Variants in COL23A1 observed in about 807,000 individuals in gnomAD.
COL23A1 encodes collagen alpha-1(XXIII) chain.
COL23A1 carries 97 observed loss-of-function variants against 99.3 expected under a neutral mutation model. That is an observed-to-expected ratio of 0.98 (90% CI 0.83 to 1.16). The LOEUF is 1.16. Among genes scored for constraint, COL23A1 ranks in the 50% most tolerant of loss-of-function variants. The pLI, the probability that COL23A1 is intolerant of heterozygous loss-of-function variation, is 0.00. For missense variants in COL23A1, 762 were observed against 757.4 expected (o/e 1.01, Z -0.07); for synonymous variants, 320 against 308.2 (o/e 1.04, Z -0.40).
intron 2 of COL23A1, among the ~76,000 whole-genome samples, chr5:178,424,169 G>A (rs1765780376): frequency 6.6e-6 from 1 of 152,210 alleles, no homozygotes; most frequent in African/African-American, 2.4e-5. Flanking sequence ...CTCCCTTGCA[G>A]GCCCGCAGCT....
At chr5:178,288,193 C>G in intron 5 of COL23A1, 131 bp downstream of exon 5, 1 of 887,454 alleles carries the variant, frequency 1.1e-6, no homozygotes, top group Non-Finnish European at 1.9e-6. Context: ...CTAATCGCCT[C>G]CACAGAAAGA....
At chr5:178,559,361 G>A (rs1371342749) in intron 2 of COL23A1, among the ~76,000 whole-genome samples, 1 of 152,194 alleles carries the variant, frequency 6.6e-6, no homozygotes, top group African/African-American at 2.4e-5. Context: ...GGGACACTGC[G>A]CAGCTCCTGT....
chr5:178,245,999 G>A, intron 24 of COL23A1, 31 bp from the exon 25 acceptor site: 1 of 1,613,642 alleles, frequency 6.2e-7, no homozygotes, highest in Non-Finnish European at 8.5e-7. Flanking sequence ...GGTGAGAGGG[G>A]TTGGGGAGGG....
chr5:178,526,982 G>T (rs1279158503), intron 2 of COL23A1, among the ~76,000 whole-genome samples: 8 of 152,230 alleles, frequency 5.3e-5, no homozygotes, highest in Non-Finnish European at 1.5e-5. Context: ...GGGTGCCGTG[G>T]TAGGCAGGAG....
At chr5:178,338,852 G>C (rs1441247686) in intron 2 of COL23A1, among the ~76,000 whole-genome samples, 1 of 152,188 alleles carries the variant, frequency 6.6e-6, no homozygotes, top group African/African-American at 2.4e-5. Context: ...GGCTTAACAG[G>C]AATCTGTCTA....
Position 178,281,409 on chromosome 5 carries a change from C to T in COL23A1, c.441+6915G>A, listed in dbSNP as rs1756890210. Among the ~76,000 whole-genome samples, 1 of 152,176 alleles carries T rather than the reference C, an allele frequency of 6.6e-6. No individual in the cohort carries two copies. Among genetic ancestry groups the T allele is most frequent in the Non-Finnish European group, 1.5e-5 (1 of 68,030 alleles). ...CCAGGCCGAGGCCCCGTCTCACAGACCACATTTCAGCCCAGAGCTCTCGCA... is the reference window on the plus strand; with the variant it reads ...CCAGGCCGAGGCCCCGTCTCACAGATCACATTTCAGCCCAGAGCTCTCGCA... On this transcript the variant is annotated intron_variant, in intron 5 of 28. Coordinates refer to ENST00000390654, the MANE Select transcript of COL23A1 (RefSeq NM_173465.4). The surrounding 1 kb of genome is among the most constrained non-coding windows in gnomAD (Gnocchi z 4.0).
At chr5:178,465,439 A>G (rs1364775135) in intron 2 of COL23A1, among the ~76,000 whole-genome samples, 1 of 152,176 alleles carries the variant, frequency 6.6e-6, no homozygotes, top group African/African-American at 2.4e-5. Context: ...AAGGTCAGGA[A>G]CCCAGGCATG....
At chr5:178,534,117 A>G (rs487136) in intron 2 of COL23A1, among the ~76,000 whole-genome samples, 77,728 of 152,032 alleles carry the variant, frequency 0.51, 20,209 homozygotes, top group Non-Finnish European at 0.57. Context: ...ACAAAATACC[A>G]TAGACTGGGT....
chr5:178,465,694 C>G (rs762382136), intron 2 of COL23A1, among the ~76,000 whole-genome samples: 1 of 152,230 alleles, frequency 6.6e-6, no homozygotes, highest in Non-Finnish European at 1.5e-5. Context: ...CAGCAGTGAA[C>G]AGAAGAGCAA....
chr5:178,303,172 G>A (rs1478835752), intron 3 of COL23A1, among the ~76,000 whole-genome samples: 2 of 152,106 alleles, frequency 1.3e-5, no homozygotes, highest in African/African-American at 4.8e-5. Flanking sequence ...GCTAATTTTT[G>A]TATTTTTAGT....
In COL23A1 at chr5:178,464,989, C is replaced by T. The variant is rs141184650; in HGVS notation, c.361+95693G>A. Among the ~76,000 whole-genome samples the T allele has an allele frequency of 2.3e-3, 356 of 152,310 alleles. 2 individuals carry two copies. The highest frequency in any genetic ancestry group is 8.2e-3 in the African/African-American group (340 of 41,566). On this transcript the variant is annotated intron_variant, in intron 2 of 28. Transcript: ENST00000390654. ...GAACAACGCCTTGTAAATGACAACA[C>T]GGTTTTGATGCATGATCATTAACAT...
intron 5 of COL23A1, among the ~76,000 whole-genome samples, chr5:178,285,898 G>A (rs534961944): frequency 1.3e-5 from 2 of 152,362 alleles, no homozygotes; most frequent in South Asian, 2.1e-4. Flanking sequence ...AGGAGCCTGC[G>A]AAAGGTCCTC....
At chr5:178,401,282 T>A (rs192672968) in intron 2 of COL23A1, among the ~76,000 whole-genome samples, 2 of 152,368 alleles carry the variant, frequency 1.3e-5, no homozygotes, top group Admixed American at 1.3e-4. Flanking sequence ...TTGTATCCTC[T>A]GGCTATTGTG....
intron 1 of COL23A1, chr5:178,561,828 G>C: frequency 4.2e-6 from 1 of 239,426 alleles, no homozygotes; most frequent in Non-Finnish European, 8.5e-6. Context: ...GAGAGAATTT[G>C]CACAGACGAC....
At chr5:178,374,201 G>T (rs2127726079) in intron 2 of COL23A1, among the ~76,000 whole-genome samples, 1 of 152,276 alleles carries the variant, frequency 6.6e-6, no homozygotes, top group African/African-American at 2.4e-5. Context: ...GGGCATGGCT[G>T]ATGCTCCGTG....
intron 5 of COL23A1, among the ~76,000 whole-genome samples, chr5:178,284,783 AT>A (rs1299499373): frequency 6.6e-6 from 1 of 152,236 alleles, no homozygotes; most frequent in Non-Finnish European, 1.5e-5. Context: ...ACAAAAAAGT[AT>A]GTCCAATGTA....
rs1007335191 is a variant in COL23A1 at position 178,306,725 on chromosome 5, G to A, written c.406+150C>T. On this transcript the variant is annotated intron_variant, in intron 3 of 28. Coordinates refer to ENST00000390654, the MANE Select transcript of COL23A1 (RefSeq NM_173465.4). The surrounding 1 kb of genome is among the most constrained non-coding windows in gnomAD (Gnocchi z 4.1). Reference sequence around the variant, plus strand: ...ACTGGGTGCTGCGGCCTCAGGAAACGGCAGCTGGACTTGGAAGGGGGAGGA... The same window carrying A: ...ACTGGGTGCTGCGGCCTCAGGAAACAGCAGCTGGACTTGGAAGGGGGAGGA... 5.1e-5 allele frequency: 26 copies of A among 509,720 alleles called. No homozygotes were observed. The Admixed American group carries it at 7.3e-4, about 14-fold the overall frequency. 31.6% of individuals were successfully genotyped at this position (509,720 alleles called of 1,614,324 possible). A position where few individuals can be genotyped will look rare whatever the true frequency, so the allele number is the denominator to read the frequency against.
intron 2 of COL23A1, among the ~76,000 whole-genome samples, chr5:178,449,060 G>A (rs1406329674): frequency 1.3e-5 from 2 of 151,956 alleles, no homozygotes; most frequent in African/African-American, 2.4e-5. Context: ...GCAGTGTTAC[G>A]ATCAGAGTTC....
intron 2 of COL23A1, among the ~76,000 whole-genome samples, chr5:178,326,416 A>G (rs569955324): frequency 1.3e-5 from 2 of 150,500 alleles, no homozygotes; most frequent in African/African-American, 4.9e-5. Context: ...AGAACATTTA[A>G]AAAAAAAAAA....
Sources: allele counts gnomAD v4.1 joint callset (sites outside exome capture counted in the v4.1 genomes callset), GRCh38; gene constraint gnomAD v4.1.1; non-coding constraint Gnocchi (gnomAD v3.1); transcripts MANE v1.5; gene names NCBI Gene and HGNC (gene_info 2026-07-23, HGNC 2026-07-21).